CYFIP2: variants seen among roughly 807,000 people sequenced by gnomAD.
CYFIP2 encodes the protein cytoplasmic FMR1 interacting protein 2.
In CYFIP2, 29 loss-of-function variants were observed where a neutral mutation model predicts 158.7. That is an observed-to-expected ratio of 0.18 (90% CI 0.14 to 0.25). The LOEUF is 0.25. Among genes scored for constraint, CYFIP2 ranks in the 10% least tolerant of loss-of-function variants. The pLI is 1.00. For missense variants in CYFIP2, 852 were observed against 1,639.5 expected, an observed-to-expected ratio of 0.52 and a Z score of 8.29; for synonymous variants, 585 against 617.6, an observed-to-expected ratio of 0.95 and a Z score of 0.78.
chr5:157,266,253 G>A lies in CYFIP2; in HGVS notation c.-24+58G>A, dbSNP rs1451102136. ...CGGGGACTAGGATGCCGCCGGGGAC[G>A]GGGATGAGGCCGTGAGGATGCGCGA... On this transcript the variant is annotated intron_variant, in intron 1 of 30. Transcript: ENST00000620254. The surrounding 1 kb of genome is among the most constrained non-coding windows in gnomAD (Gnocchi z 4.2). The A allele has an allele frequency of 1.3e-5, 2 of 150,892 alleles. No homozygotes were observed. The highest frequency in any genetic ancestry group is 6.6e-5 in the Admixed American group (1 of 15,162). The allele number at this position is 150,892 out of a possible 1,614,324, so 9.3% of individuals were successfully genotyped here.
intron 7 of CYFIP2, 170 bp downstream of exon 7, chr5:157,303,060 A>C: frequency 2.0e-5 from 11 of 550,594 alleles, no homozygotes; most frequent in South Asian, 7.6e-5. Flanking sequence ...TGTCCTCCCA[A>C]CCCCAGGTGG....
At chr5:157,305,101 A>G (rs545822659) in intron 8 of CYFIP2, among the ~76,000 whole-genome samples, 5 of 152,184 alleles carry the variant, frequency 3.3e-5, no homozygotes, top group South Asian at 4.1e-4. Flanking sequence ...TTTATGGCTT[A>G]GTAGTATTTC....
intron 13 of CYFIP2, among the ~76,000 whole-genome samples, chr5:157,318,543 C>T (rs1412404382): frequency 6.6e-6 from 1 of 152,214 alleles, no homozygotes; most frequent in East Asian, 1.9e-4. Context: ...AAAACCATCA[C>T]CTCCTGAGTT....
chr5:157,382,465 TG>T, intron 26 of CYFIP2, 124 bp from the exon 27 acceptor site: 1 of 914,976 alleles, frequency 1.1e-6, no homozygotes, highest in East Asian at 2.6e-5. Context: ...AAGGTCACAG[TG>T]AGTAGAAGAG....
intron 1 of CYFIP2, among the ~76,000 whole-genome samples, chr5:157,276,122 T>C (rs1394711330): frequency 6.6e-6 from 1 of 152,212 alleles, no homozygotes; most frequent in East Asian, 1.9e-4. Flanking sequence ...TCCTTTCTAA[T>C]CTAGATGTCT....
intron 23 of CYFIP2, among the ~76,000 whole-genome samples, chr5:157,346,249 C>T (rs1025890803): frequency 6.6e-6 from 1 of 152,148 alleles, no homozygotes; most frequent in Non-Finnish European, 1.5e-5. Flanking sequence ...CAGCCCTGAA[C>T]CCCTGTCAAG....
chr5:157,300,762 TGCCGA>T lies in CYFIP2; in HGVS notation c.438_442del (p.Glu147GlnfsTer7). ...GCAGCGAGGTGAAGCGGCTGTGCCATGCCGAGCGCAGGAAGGACTTTGTCTCTGAG... is the reference window on the plus strand; with the variant it reads ...GCAGCGAGGTGAAGCGGCTGTGCCATGCGCAGGAAGGACTTTGTCTCTGAG... On this transcript the variant is annotated frameshift_variant, in exon 6 of 31. Coordinates refer to ENST00000620254, the MANE Select transcript of CYFIP2 (RefSeq NM_001037333.3). LOFTEE classifies it high-confidence loss of function. The T allele has an allele frequency of 6.2e-7, 1 of 1,612,684 alleles. No homozygotes were observed. Among genetic ancestry groups the T allele is most frequent in the Non-Finnish European group, 8.5e-7 (1 of 1,179,120 alleles).
intron 19 of CYFIP2, among the ~76,000 whole-genome samples, chr5:157,328,895 C>T (rs1196682125): frequency 6.6e-6 from 1 of 152,154 alleles, no homozygotes; most frequent in Non-Finnish European, 1.5e-5. Flanking sequence ...TTCAGACCCT[C>T]GTGAGTTCTT....
chr5:157,367,038 T>TA (rs1764439751), intron 26 of CYFIP2, among the ~76,000 whole-genome samples: 1 of 152,166 alleles, frequency 6.6e-6, no homozygotes, highest in African/African-American at 2.4e-5. Context: ...TCATCTCTGT[T>TA]ACTTCTTCTC....
chr5:157,319,891 C>T lies in CYFIP2; in HGVS notation c.1486C>T (p.Arg496Trp), dbSNP rs2113101629. The change falls in exon 14 of 31, where the codon CGG (arginine) becomes TGG (tryptophan). Residue 496 changes from arginine (R) to tryptophan (W), a missense_variant. By Grantham distance (101) the Arg-to-Trp change is moderately radical. Around this residue, in one of 8 missense-constraint regions of CYFIP2, gnomAD observed 167 missense variants for 343.3 expected, o/e 0.49. Coordinates refer to ENST00000620254, the MANE Select transcript of CYFIP2 (RefSeq NM_001037333.3). ...CCAGGTGACGCTGCGTGAGCCCCTG[C>T]GGCAGGCGGTACGGAAGAAGAAGAA... ...FAQVTLREPL[R>W]QAVRKKKNVL... is the part of the protein sequence containing the mutation. 2 of 1,614,016 alleles carry T rather than the reference C, an allele frequency of 1.2e-6. No homozygotes were observed. The highest frequency in any genetic ancestry group is 1.1e-5 in the South Asian group (1 of 91,082).
At chr5:157,291,400 C>T (rs912857521) in intron 3 of CYFIP2, among the ~76,000 whole-genome samples, 1 of 152,246 alleles carries the variant, frequency 6.6e-6, no homozygotes. Context: ...AGCATAATTG[C>T]ATGACAGATC....
intron 26 of CYFIP2, chr5:157,363,845 C>T (rs1764082837): frequency 6.6e-6 from 1 of 152,208 alleles, no homozygotes; most frequent in Non-Finnish European, 1.5e-5. Context: ...GATAATGGAG[C>T]TTCTGAATCA....
intron 15 of CYFIP2, among the ~76,000 whole-genome samples, chr5:157,321,715 T>C (rs1760607247): frequency 1.3e-5 from 2 of 150,862 alleles, no homozygotes; most frequent in Admixed American, 6.6e-5. Context: ...CCCTTCTCCC[T>C]GTGTGTGCGT....
At chr5:157,359,575 C>G (rs1763660779) in intron 24 of CYFIP2, among the ~76,000 whole-genome samples, 1 of 152,178 alleles carries the variant, frequency 6.6e-6, no homozygotes, top group African/African-American at 2.4e-5. Context: ...TGCTTCTTTC[C>G]CTTGGGATTT....
At chr5:157,367,063 G>T (rs967418696) in intron 26 of CYFIP2, among the ~76,000 whole-genome samples, 1 of 152,080 alleles carries the variant, frequency 6.6e-6, no homozygotes, top group African/African-American at 2.4e-5. Context: ...TATTAGAGTG[G>T]ACCACAGAAA....
intron 26 of CYFIP2, chr5:157,364,132 G>A (rs1764116996): frequency 6.9e-6 from 1 of 145,674 alleles, no homozygotes; most frequent in South Asian, 2.3e-4. Context: ...GCCCTCAGAA[G>A]TCGTAGGGAT....
At chr5:157,306,813 T>C (rs1265535973) in intron 8 of CYFIP2, among the ~76,000 whole-genome samples, 1 of 151,056 alleles carries the variant, frequency 6.6e-6, no homozygotes, top group African/African-American at 2.4e-5. Context: ...GCCCAGGAGG[T>C]TGAGGCTGCA....
intron 3 of CYFIP2, among the ~76,000 whole-genome samples, chr5:157,289,535 G>A (rs1362235583): frequency 2.0e-5 from 3 of 152,170 alleles, no homozygotes; most frequent in African/African-American, 7.2e-5. Flanking sequence ...TTGGCTCCCA[G>A]ATGGCTGTTT....
intron 5 of CYFIP2, among the ~76,000 whole-genome samples, chr5:157,297,347 G>A (rs1042740725): frequency 6.6e-6 from 1 of 152,212 alleles, no homozygotes; most frequent in African/African-American, 2.4e-5. Context: ...AGGCAGAGAA[G>A]CCCAAGTCAC....
Sources: gnomAD v4.1 joint callset for allele counts (sites outside exome capture counted in the v4.1 genomes callset) on GRCh38, gnomAD v4.1.1 for gene constraint, gnomAD v4.1.1 regional missense constraint, Gnocchi (gnomAD v3.1) non-coding constraint, MANE v1.5 for transcripts, NCBI Gene and HGNC (gene_info 2026-07-23, HGNC 2026-07-21) for gene names.